Variants in CHL1 observed in about 807,000 individuals in gnomAD.
CHL1 encodes neural cell adhesion molecule L1-like protein.
A neutral mutation model predicts 141.9 loss-of-function variants in CHL1; 96 were observed. The ratio of observed to expected loss-of-function variants is 0.68; its 90% CI spans 0.57 to 0.80. The LOEUF (loss-of-function observed/expected upper bound fraction) is 0.80. Among genes scored for constraint, CHL1 ranks in the 30% least tolerant of loss-of-function variants. CHL1 has a pLI of 0.00. For synonymous variants in CHL1, 613 were observed against 502.2 expected, an observed-to-expected ratio of 1.22 and a Z score of -2.95; for missense variants, 1,820 against 1,457.2, an observed-to-expected ratio of 1.25 and a Z score of -4.05.
intron 1 of CHL1, among the ~76,000 whole-genome samples, chr3:214,956 G>GCACACACACACACACA (rs5845952): frequency 6.7e-6 from 1 of 150,276 alleles, no homozygotes; most frequent in African/African-American, 2.4e-5. Flanking sequence ...ATGTGCACGT[G>GCACACACACACACACA]CACACACACA....
chr3:296,288 G>C (rs946792677), intron 2 of CHL1, among the ~76,000 whole-genome samples: 20 of 151,996 alleles, frequency 1.3e-4, no homozygotes, highest in African/African-American at 4.1e-4. Context: ...ATTAAGACTT[G>C]TTGCAAGTAA....
At chr3:209,662 C>T (rs1015594454) in intron 1 of CHL1, among the ~76,000 whole-genome samples, 10 of 152,080 alleles carry the variant, frequency 6.6e-5, no homozygotes, top group African/African-American at 2.2e-4. Flanking sequence ...TGTGCTGCAC[C>T]CATTAACTCG....
At chr3:226,110 C>T (rs1290202521) in intron 1 of CHL1, among the ~76,000 whole-genome samples, 2 of 150,770 alleles carry the variant, frequency 1.3e-5, no homozygotes, top group South Asian at 2.1e-4. Context: ...CAACCTCCAC[C>T]GTCAGGTTCA....
intron 2 of CHL1, among the ~76,000 whole-genome samples, chr3:260,226 T>A (rs1204092834): frequency 6.6e-6 from 1 of 151,970 alleles, no homozygotes; most frequent in East Asian, 1.9e-4. Context: ...ATGGTGCCAC[T>A]GCACTCCAGA....
chr3:268,389 C>G (rs1322243862), intron 2 of CHL1, among the ~76,000 whole-genome samples: 2 of 151,700 alleles, frequency 1.3e-5, no homozygotes, highest in Non-Finnish European at 2.9e-5. Flanking sequence ...ACAAAAATTA[C>G]CCAGGCACAG....
intron 3 of CHL1, among the ~76,000 whole-genome samples, chr3:322,634 T>C (rs1700661619): frequency 1.8e-5 from 2 of 114,138 alleles, no homozygotes; most frequent in African/African-American, 8.2e-5. Context: ...CTAAATTATA[T>C]ATATATATAA....
Position 379,517 on chromosome 3 carries a change from G to A in CHL1, c.1876+1575G>A, listed in dbSNP as rs73814733. ...ATTCATCCCAGGCCTAGTGAGTAGA[G>A]GGGTAAGTGTCAGGCTCCGTGCGCT... On this transcript the variant is annotated intron_variant, in intron 16 of 27. Coordinates refer to ENST00000256509, the MANE Select transcript of CHL1 (RefSeq NM_006614.4). 1.6e-3 allele frequency among the ~76,000 whole-genome samples: 251 copies of A among 152,214 alleles called. 1 individual carries two copies. The highest frequency in any genetic ancestry group is 5.7e-3 in the African/African-American group (237 of 41,536).
intron 1 of CHL1, among the ~76,000 whole-genome samples, chr3:235,476 T>G (rs1245965649): frequency 6.6e-6 from 1 of 152,208 alleles, no homozygotes; most frequent in Non-Finnish European, 1.5e-5. Context: ...TAGCCCTGTA[T>G]AAATGTATCC....
chr3:284,769 CTTT>C (rs35084231), intron 2 of CHL1, among the ~76,000 whole-genome samples: 37 of 148,772 alleles, frequency 2.5e-4, no homozygotes, highest in Non-Finnish European at 3.7e-4. Flanking sequence ...GCGTATTCAT[CTTT>C]TTTTTTTTTT....
chr3:198,284 G>T lies in CHL1; in HGVS notation c.-175+1221G>T, dbSNP rs1269476311. Reference sequence around the variant, plus strand: ...TCGAAGGGCGCCGGCGTCCAGTCCCGCTCGTGGGAGCCGCGGAGCAGCCCC... The same window carrying T: ...TCGAAGGGCGCCGGCGTCCAGTCCCTCTCGTGGGAGCCGCGGAGCAGCCCC... On this transcript the variant is annotated intron_variant, in intron 1 of 27. Transcript: ENST00000256509. Among the ~76,000 whole-genome samples, 5 of 151,986 alleles carry T rather than the reference G, an allele frequency of 3.3e-5. No individual in the cohort carries two copies. In the East Asian group the frequency reaches 9.7e-4, roughly 29 times the overall value.
chr3:271,997 C>G (rs550168356), intron 2 of CHL1, among the ~76,000 whole-genome samples: 1 of 152,132 alleles, frequency 6.6e-6, no homozygotes, highest in Non-Finnish European at 1.5e-5. Flanking sequence ...ACTGTAAAAT[C>G]ATATGGTAGA....
intron 2 of CHL1, among the ~76,000 whole-genome samples, chr3:276,657 A>G (rs1370096249): frequency 6.6e-6 from 1 of 151,974 alleles, no homozygotes; most frequent in Non-Finnish European, 1.5e-5. Context: ...TGGGAGGCCG[A>G]GGGGGGCGGA....
At chr3:390,627 A>C in intron 20 of CHL1, 74 bp from the exon 21 acceptor site, 2 of 861,938 alleles carry the variant, frequency 2.3e-6, no homozygotes, top group South Asian at 3.0e-5. Context: ...AAACATTATG[A>C]AAATTTTTGA....
intron 1 of CHL1, among the ~76,000 whole-genome samples, chr3:231,552 A>G (rs1268996669): frequency 2.0e-5 from 3 of 147,330 alleles, no homozygotes; most frequent in Non-Finnish European, 4.5e-5. Flanking sequence ...TTGGGAGTAC[A>G]TGTTTTAAAA....
intron 2 of CHL1, among the ~76,000 whole-genome samples, chr3:280,075 T>C (rs1196373306): frequency 1.3e-5 from 2 of 152,132 alleles, no homozygotes; most frequent in African/African-American, 4.8e-5. Flanking sequence ...AAGAAATAAA[T>C]ATAGGTGTGT....
chr3:240,648 C>A (rs1386366719), intron 1 of CHL1, among the ~76,000 whole-genome samples: 1 of 152,130 alleles, frequency 6.6e-6, no homozygotes, highest in Non-Finnish European at 1.5e-5. Flanking sequence ...CTTTTGAATT[C>A]TTGGTCTTGA....
intron 5 of CHL1, among the ~76,000 whole-genome samples, chr3:333,687 G>C (rs1166007445): frequency 2.0e-5 from 3 of 152,186 alleles, no homozygotes; most frequent in African/African-American, 7.2e-5. Context: ...GGATTTAACA[G>C]TGAATAAAAA....
intron 19 of CHL1, among the ~76,000 whole-genome samples, chr3:386,102 C>A (rs1446653845): frequency 6.6e-6 from 1 of 151,220 alleles, no homozygotes; most frequent in Admixed American, 6.6e-5. Context: ...CAGGTTTTTC[C>A]CAGTTTCACA....
chr3:364,054 A>G (rs1367897377), intron 14 of CHL1: 2 of 152,018 alleles, frequency 1.3e-5, no homozygotes, highest in Admixed American at 6.6e-5. Context: ...TTGTTTGATC[A>G]TCTGTTTTCA....
Sources: allele counts gnomAD v4.1 joint callset (sites outside exome capture counted in the v4.1 genomes callset), GRCh38; gene constraint gnomAD v4.1.1; transcripts MANE v1.5; gene names NCBI Gene and HGNC (gene_info 2026-07-23, HGNC 2026-07-21).